Variants in FBXL8 observed in about 807,000 individuals in gnomAD.
The protein encoded by FBXL8 is F-box/LRR-repeat protein 8.
A neutral mutation model predicts 8.2 loss-of-function variants in FBXL8; 13 were observed. The observed-to-expected ratio is 1.58, with a 90% CI of 1.03 to 2.51. The LOEUF (loss-of-function observed/expected upper bound fraction) is 2.51. Ranked by LOEUF, FBXL8 falls within the 30% of genes most tolerant of loss-of-function variation. The probability of loss-of-function intolerance (pLI) is 0.00; values close to 1 mark genes in which losing one functional copy is unlikely to be tolerated. For synonymous variants in FBXL8, 271 were observed against 260.5 expected (o/e 1.04, Z -0.39); for missense variants, 565 against 540.4 (o/e 1.05, Z -0.45).
intron 2 of FBXL8, chr16:67,162,257 A>G: frequency 2.5e-6 from 1 of 395,142 alleles, no homozygotes; most frequent in Non-Finnish European, 4.6e-6. Flanking sequence ...TGAACCCGGG[A>G]GGCAAAGGTT....
intron 2 of FBXL8, chr16:67,162,164 T>C: frequency 2.2e-6 from 1 of 462,724 alleles, no homozygotes; most frequent in Non-Finnish European, 3.7e-6. Flanking sequence ...ACCCCGTCTC[T>C]ACTAAAATAC....
In FBXL8 at chr16:67,163,879, G is replaced by GA. The variant is rs1477431686; in HGVS notation, c.*59_*60insA. The GA allele has an allele frequency of 1.3e-6, 2 of 1,526,916 alleles. No homozygotes were observed. Among genetic ancestry groups the GA allele is most frequent in the Non-Finnish European group, 1.7e-6 (2 of 1,145,198 alleles). 94.6% of individuals were successfully genotyped at this position (1,526,916 alleles called of 1,614,324 possible). A position where few individuals can be genotyped will look rare whatever the true frequency, so the allele number is the denominator to read the frequency against. ...TAAGCGCTCTGAGAGGGAACGGGGG[G>GA]GGTGTCCAGGCGCGCCCCGAGTGCT... is the stretch of plus-strand genomic sequence containing the variant. On this transcript the variant is annotated 3_prime_UTR_variant, in exon 3 of 3. Coordinates refer to ENST00000258200, the MANE Select transcript of FBXL8 (RefSeq NM_018378.3).
At position 67,161,950 on chromosome 16, in the gene FBXL8, C is replaced by CT; in HGVS notation, c.152+14dup. 1 of 1,592,206 alleles carries CT rather than the reference C, an allele frequency of 6.3e-7. No homozygotes were observed. Among genetic ancestry groups the CT allele is most frequent in the Non-Finnish European group, 8.6e-7 (1 of 1,169,544 alleles). On this transcript the variant is annotated intron_variant, in intron 2 of 2. Transcript: ENST00000258200. Reference sequence around the variant, plus strand: ...ACACAAAAATCAGGTGAGCCTGCTCCTCCACACTCCTCTCCCCACCGCCCA... The same window carrying CT: ...ACACAAAAATCAGGTGAGCCTGCTCCTTCCACACTCCTCTCCCCACCGCCCA...
intron 2 of FBXL8, chr16:67,162,546 G>T: frequency 1.4e-6 from 1 of 700,144 alleles, no homozygotes; most frequent in South Asian, 1.5e-5. Context: ...GGCAGAATTC[G>T]AACCTAGCAG....
chr16:67,162,461 C>T (rs757964982), intron 2 of FBXL8: 21 of 632,262 alleles, frequency 3.3e-5, no homozygotes, highest in Non-Finnish European at 5.7e-5. Flanking sequence ...ATCATTACCT[C>T]CATTGCCCAG....
At position 67,164,030 on chromosome 16, in the gene FBXL8, GC is replaced by G; in HGVS notation, c.*211del. On this transcript the variant is annotated 3_prime_UTR_variant, in exon 3 of 3. Transcript: ENST00000258200. Reference sequence around the variant, plus strand: ...CTCACCCTCTGCAGACGCCCCACCCGCTCGGTCCTGGACACACTGCCCCCCT... The same window carrying G: ...CTCACCCTCTGCAGACGCCCCACCCGTCGGTCCTGGACACACTGCCCCCCT... The G allele has an allele frequency of 1.3e-6, 1 of 743,380 alleles. No individual in the cohort carries two copies. 46.0% of individuals were successfully genotyped at this position (743,380 alleles called of 1,614,324 possible). A position where few individuals can be genotyped will look rare whatever the true frequency, so the allele number is the denominator to read the frequency against.
At position 67,163,035 on chromosome 16, in the gene FBXL8, A is replaced by C; in HGVS notation, c.340A>C (p.Lys114Gln). 6.4e-7 allele frequency: 1 copy of C among 1,563,500 alleles called. No homozygotes were observed. Among genetic ancestry groups the C allele is most frequent in the Non-Finnish European group, 8.7e-7 (1 of 1,153,584 alleles). The change falls in exon 3 of 3, where the codon AAA (lysine) becomes CAA (glutamine). Residue 114 changes from lysine to glutamine, a missense_variant. Transcript: ENST00000258200. ...CCTGCGCCTGGAGTGCCGCGGAGAAAAACCGCTCTTCGACGCGGGCCGCGA... is the reference window on the plus strand; with the variant it reads ...CCTGCGCCTGGAGTGCCGCGGAGAACAACCGCTCTTCGACGCGGGCCGCGA... Reference protein sequence around the residue: ...RGLRLECRGEKPLFDAGRDVL... With the variant: ...RGLRLECRGEQPLFDAGRDVL...
At chr16:67,162,147 T>C in intron 2 of FBXL8, 1 of 515,482 alleles carries the variant, frequency 1.9e-6, no homozygotes, top group South Asian at 3.0e-5. Flanking sequence ...CTGGCCACCA[T>C]GCTGAAACCC....
intron 1 of FBXL8, 76 bp from the exon 2 acceptor site, chr16:67,161,659 C>G (rs2030907123): frequency 6.6e-6 from 8 of 1,219,064 alleles, no homozygotes; most frequent in Non-Finnish European, 8.8e-6. Flanking sequence ...AGGCCACAAG[C>G]ATTTGTACAC....
chr16:67,163,431 C>G lies in FBXL8; in HGVS notation c.736C>G (p.Arg246Gly), dbSNP rs747897712. ...GCCCAACGAAGCCTGGGTCGCGTTGCGCCGCCGCCACCCTGGGCTGGCAGT... is the reference window on the plus strand; with the variant it reads ...GCCCAACGAAGCCTGGGTCGCGTTGGGCCGCCGCCACCCTGGGCTGGCAGT... ...PLPNEAWVAL[R>G]RRHPGLAVEL... The change falls in exon 3 of 3, where the codon CGC becomes GGC. Residue 246 changes from arginine to glycine, a missense_variant. By Grantham distance (125) the Arg-to-Gly change is moderately radical (BLOSUM62 -2). Transcript: ENST00000258200. 190 of 1,535,850 alleles carry G rather than the reference C, an allele frequency of 1.2e-4. No homozygotes were observed. The highest frequency in any genetic ancestry group is 1.4e-4 in the Non-Finnish European group (157 of 1,146,778).
At position 67,163,498 on chromosome 16, in the gene FBXL8, C is replaced by G; in HGVS notation, c.803C>G (p.Thr268Arg). The G allele has an allele frequency of 6.5e-7, 1 of 1,541,696 alleles. No homozygotes were observed. The highest frequency in any genetic ancestry group is 1.9e-5 in the Admixed American group (1 of 52,336). ...LEPALPAESVTRVLQPAVPVA... is the reference protein window; with the variant it reads ...LEPALPAESVRRVLQPAVPVA... ...CCCGCGCTGCCCGCTGAGAGCGTGA[C>G]GCGCGTCCTGCAGCCAGCCGTCCCC... is the stretch of plus-strand genomic sequence containing the variant. The change falls in exon 3 of 3, where the codon ACG (threonine) becomes AGG (arginine). Residue 268 changes from threonine to arginine, a missense_variant. Thr to Arg is a moderately conservative substitution (Grantham distance 71, BLOSUM62 -1). Coordinates refer to ENST00000258200, the MANE Select transcript of FBXL8 (RefSeq NM_018378.3).
chr16:67,160,994 G>C (rs1222638028), intron 1 of FBXL8: 1 of 153,030 alleles, frequency 6.5e-6, no homozygotes, highest in Admixed American at 6.5e-5. Flanking sequence ...GCGGAGGCGG[G>C]GAAGGAGCCT....
rs1423939694 is a variant in FBXL8 at position 67,163,103 on chromosome 16, G to A, written c.408G>A (p.Gln136=). 6.3e-7 allele frequency: 1 copy of A among 1,581,940 alleles called. No homozygotes were observed. The highest frequency in any genetic ancestry group is 8.6e-7 in the Non-Finnish European group (1 of 1,164,746). The part of the protein sequence containing the change: ...AVHAVCGAAS[Q]LRHLDLRRLS... ...ACGCTGTATGCGGGGCGGCCAGCCA[G>A]CTACGCCACCTCGACCTGCGGCGCT... is the stretch of plus-strand genomic sequence containing the variant. The change falls in exon 3 of 3, where the codon CAG becomes CAA. Residue 136 remains glutamine, a synonymous_variant. Transcript: ENST00000258200.
Position 67,162,873 on chromosome 16 carries a change from C to T in FBXL8, c.178C>T (p.Leu60=). 6.4e-7 allele frequency: 1 copy of T among 1,551,544 alleles called. No homozygotes were observed. The highest frequency in any genetic ancestry group is 8.7e-7 in the Non-Finnish European group (1 of 1,147,076). Residue 60 remains leucine, a synonymous_variant, in exon 3 of 3, where the codon CTG becomes TTG. Transcript: ENST00000258200. ...ISCECELEGM[L]PPYLSACLDH... ...TTGCGAATGTGAGCTGGAAGGCATG[C>T]TGCCACCTTATCTGTCCGCCTGCCT... is the stretch of plus-strand genomic sequence containing the variant.
rs993979498 is a variant in FBXL8 at position 67,163,902 on chromosome 16, G to A, written c.*82G>A. On this transcript the variant is annotated 3_prime_UTR_variant, in exon 3 of 3. Transcript: ENST00000258200. ...GGGGGTGTCCAGGCGCGCCCCGAGT[G>A]CTAGTGCCTTCTTTTGGGATTGTTG... is the stretch of plus-strand genomic sequence containing the variant. The A allele has an allele frequency of 6.6e-7, 1 of 1,523,024 alleles. No homozygotes were observed. Among genetic ancestry groups the A allele is most frequent in the Non-Finnish European group, 8.8e-7 (1 of 1,137,972 alleles). The allele number at this position is 1,523,024 out of a possible 1,614,324, so 94.3% of individuals were successfully genotyped here.
chr16:67,162,794 T>C lies in FBXL8; in HGVS notation c.153-54T>C, dbSNP rs1722944675. 3.9e-6 allele frequency: 6 copies of C among 1,548,054 alleles called. No homozygotes were observed. In the South Asian group the frequency reaches 6.0e-5, roughly 15 times the overall value. ...CAGCTAAGGGGTGGGTAGAGGCTTC[T>C]CCGCTGGTCGCAGGGACTCAGCTGA... On this transcript the variant is annotated intron_variant, in intron 2 of 2. Coordinates refer to ENST00000258200, the MANE Select transcript of FBXL8 (RefSeq NM_018378.3).
intron 1 of FBXL8, among the ~76,000 whole-genome samples, chr16:67,160,643 G>A (rs1018878166): frequency 6.6e-6 from 1 of 152,114 alleles, no homozygotes; most frequent in African/African-American, 2.4e-5. Context: ...CCCGCGAGGC[G>A]GAGTTTGCAG....
chr16:67,163,241 A>C lies in FBXL8; in HGVS notation c.546A>C (p.Ser182=). ...STLVGSVGPG[S]VLELLEACPR... ...TAGTGGGCAGCGTGGGTCCCGGCTC[A>C]GTGCTCGAGCTACTGGAGGCCTGCC... Residue 182 remains serine (S), a synonymous_variant, in exon 3 of 3, where the codon TCA becomes TCC. Coordinates refer to ENST00000258200, the MANE Select transcript of FBXL8 (RefSeq NM_018378.3). 1 of 1,566,664 alleles carries C rather than the reference A, an allele frequency of 6.4e-7. No homozygotes were observed. The highest frequency in any genetic ancestry group is 8.6e-7 in the Non-Finnish European group (1 of 1,156,750).
rs2145915156 is a variant in FBXL8 at position 67,163,700 on chromosome 16, T to C, written c.1005T>C (p.Cys335=). The part of the protein sequence containing the change: ...ARCAALREVH[C]FCVVSHSVLD... ...GCGCGGCCCTGCGCGAGGTGCATTG[T>C]TTCTGCGTGGTGAGCCACTCGGTGC... is the stretch of plus-strand genomic sequence containing the variant. The change falls in exon 3 of 3, where the codon TGT becomes TGC. Residue 335 remains cysteine (C), a synonymous_variant. Transcript: ENST00000258200. 6.3e-7 allele frequency: 1 copy of C among 1,592,912 alleles called. No homozygotes were observed.
Sources: gnomAD v4.1 joint callset for allele counts (sites outside exome capture counted in the v4.1 genomes callset) on GRCh38, gnomAD v4.1.1 for gene constraint, MANE v1.5 for transcripts, NCBI Gene and HGNC (gene_info 2026-07-23, HGNC 2026-07-21) for gene names.